The following PREX2 variants were observed in gnomAD, a reference collection of about 807,000 sequenced individuals.
PREX2 encodes phosphatidylinositol 3,4,5-trisphosphate-dependent Rac exchanger 2 protein.
PREX2 carries 107 observed loss-of-function variants against 203.2 expected under a neutral mutation model. The ratio of observed to expected loss-of-function variants is 0.53; its 90% CI spans 0.45 to 0.62. PREX2 has a LOEUF of 0.62. PREX2 is among the 20% of genes least tolerant of loss of function. PREX2 has a pLI of 0.00. For missense variants in PREX2, 1,777 were observed against 1,955.9 expected, an observed-to-expected ratio of 0.91 and a Z score of 1.72; for synonymous variants, 672 against 663.6, an observed-to-expected ratio of 1.01 and a Z score of -0.19.
rs1477532761 is a variant in PREX2, at chr8:68,099,697, G to T, written c.2569G>T (p.Ala857Ser). The T allele has an allele frequency of 1.2e-6, 2 of 1,613,554 alleles. No homozygotes were observed. The highest frequency in any genetic ancestry group is 1.7e-6 in the Non-Finnish European group (2 of 1,179,806). Residue 857 changes from alanine to serine, a missense_variant, in exon 23 of 40, where the codon GCT (alanine) becomes TCT (serine). Ala to Ser is a moderately conservative substitution (Grantham distance 99, BLOSUM62 1). Coordinates refer to ENST00000288368, the MANE Select transcript of PREX2 (RefSeq NM_024870.4). Reference sequence around the variant, plus strand: ...GTCATTGCAGATTCTTGAAGCCCTGGCTAAAAGTGATGAGCATTTTGTACA... The same window carrying T: ...GTCATTGCAGATTCTTGAAGCCCTGTCTAAAAGTGATGAGCATTTTGTACA... ...SLTAKILEAL[A>S]KSDEHFVQNC...
chr8:68,031,908 C>T (rs1227697818), intron 6 of PREX2, among the ~76,000 whole-genome samples: 1 of 152,264 alleles, frequency 6.6e-6, no homozygotes, highest in East Asian at 1.9e-4. Context: ...GTGAAATGTG[C>T]CAGGCCTTTT....
chr8:68,095,863 A>C (rs1810054501), intron 21 of PREX2, among the ~76,000 whole-genome samples: 1 of 151,960 alleles, frequency 6.6e-6, no homozygotes, highest in African/African-American at 2.4e-5. Context: ...GGCTGGTTTC[A>C]AACTCTTGAG....
At position 68,192,362 on chromosome 8, in the gene PREX2, G is replaced by A. The variant is rs776501034; in HGVS notation, c.4441G>A (p.Glu1481Lys). ...AATGAGGCCTCTCAACGCTTTGGAT[G>A]AACTTTACCGACTGGTAGCCTCGTT... Reference protein sequence around the residue: ...KLMRPLNALDELYRLVASFIR... With the variant: ...KLMRPLNALDKLYRLVASFIR... The change falls in exon 37 of 40, where the codon GAA becomes AAA. Residue 1481 changes from glutamate (E) to lysine (K), a missense_variant. Physicochemically the swap from Glu to Lys is moderately conservative, Grantham distance 56. Coordinates refer to ENST00000288368, the MANE Select transcript of PREX2 (RefSeq NM_024870.4). 9.3e-6 allele frequency: 15 copies of A among 1,607,156 alleles called. No homozygotes were observed. The highest frequency in any genetic ancestry group is 1.2e-5 in the Non-Finnish European group (14 of 1,175,740).
intron 1 of PREX2, among the ~76,000 whole-genome samples, chr8:67,967,247 T>A (rs1225925342): frequency 6.6e-6 from 1 of 152,076 alleles, no homozygotes; most frequent in East Asian, 1.9e-4. Context: ...ACATTGCTAA[T>A]AAATAAAGTT....
In PREX2 at chr8:68,031,913, C is replaced by T. The variant is rs16934015; in HGVS notation, c.705+1255C>T. On this transcript the variant is annotated intron_variant, in intron 6 of 39. Transcript: ENST00000288368. ...GAATTTGTCAGTGAAATGTGCCAGG[C>T]CTTTTACTAAAACAAAAACTTCAGA... Among the ~76,000 whole-genome samples, 3 of 152,234 alleles carry T rather than the reference C, an allele frequency of 2.0e-5. No individual in the cohort carries two copies. The East Asian group carries it at 5.8e-4, about 29-fold the overall frequency.
Position 68,234,123 on chromosome 8 carries a change from A to G in PREX2, c.*2745A>G, listed in dbSNP as rs1226982842. The G allele has an allele frequency of 1.3e-5, 2 of 152,210 alleles. No homozygotes were observed. The highest frequency in any genetic ancestry group is 2.9e-5 in the Non-Finnish European group (2 of 68,032). The allele number at this position is 152,210 out of a possible 1,614,324, so 9.4% of individuals were successfully genotyped here. A position where few individuals can be genotyped will look rare whatever the true frequency, so the allele number is the denominator to read the frequency against. On this transcript the variant is annotated 3_prime_UTR_variant, in exon 40 of 40. Transcript: ENST00000288368. ...AACAGTTTTAGATAGTACATCTCAT[A>G]CAACTTTATTATAATTCCAACACAG... is the stretch of plus-strand genomic sequence containing the variant.
At chr8:68,156,791 C>T (rs959492005) in intron 34 of PREX2, among the ~76,000 whole-genome samples, 11 of 152,142 alleles carry the variant, frequency 7.2e-5, no homozygotes, top group African/African-American at 2.7e-4. Flanking sequence ...ATTTGTTGTG[C>T]AGATAAAACT....
chr8:68,135,519 A>C (rs572103890), intron 32 of PREX2, among the ~76,000 whole-genome samples: 7 of 152,208 alleles, frequency 4.6e-5, no homozygotes, highest in African/African-American at 1.4e-4. Flanking sequence ...ACTCAAAACC[A>C]CAGTGAAATA....
chr8:67,979,878 T>C (rs779200757), intron 1 of PREX2, among the ~76,000 whole-genome samples: 10 of 152,194 alleles, frequency 6.6e-5, no homozygotes, highest in Non-Finnish European at 1.2e-4. Context: ...CTCTGAGTAC[T>C]TCAAGTTTCA....
chr8:68,123,413 T>A (rs1242485185), intron 30 of PREX2, among the ~76,000 whole-genome samples: 4 of 151,786 alleles, frequency 2.6e-5, no homozygotes, highest in Admixed American at 1.3e-4. Context: ...GAGATTGAGA[T>A]ACAAAAAACC....
chr8:68,226,227 A>G (rs370080448), intron 39 of PREX2, among the ~76,000 whole-genome samples: 1 of 152,146 alleles, frequency 6.6e-6, no homozygotes, highest in African/African-American at 2.4e-5. Flanking sequence ...AAGGCAAAGC[A>G]CTCTGCTATG....
At chr8:68,024,665 A>G (rs1807663679) in intron 4 of PREX2, among the ~76,000 whole-genome samples, 1 of 151,896 alleles carries the variant, frequency 6.6e-6, no homozygotes, top group Non-Finnish European at 1.5e-5. Context: ...TGGTATTTAC[A>G]TGTGCCATTT....
At chr8:68,074,782 G>T (rs1210580954) in intron 14 of PREX2, among the ~76,000 whole-genome samples, 7 of 152,088 alleles carry the variant, frequency 4.6e-5, no homozygotes, top group African/African-American at 1.7e-4. Context: ...AATTGATTTG[G>T]ACGGTTTTAG....
At chr8:68,206,785 C>G (rs1405778224) in intron 37 of PREX2, among the ~76,000 whole-genome samples, 5 of 152,192 alleles carry the variant, frequency 3.3e-5, no homozygotes, top group Non-Finnish European at 1.5e-5. Flanking sequence ...TTTGCTACCC[C>G]AGCCTGGGAG....
chr8:68,177,936 AC>A, intron 35 of PREX2, among the ~76,000 whole-genome samples: 1 of 152,240 alleles, frequency 6.6e-6, no homozygotes. Flanking sequence ...AATGGCTTCC[AC>A]CGTCATCCAT....
At chr8:67,972,696 CT>C (rs1245344138) in intron 1 of PREX2, among the ~76,000 whole-genome samples, 1 of 152,178 alleles carries the variant, frequency 6.6e-6, no homozygotes, top group Admixed American at 6.5e-5. Context: ...CAGTTACCCA[CT>C]TTTTTTCTAA....
Position 68,195,175 on chromosome 8 carries a change from C to T in PREX2, c.4604+2650C>T, listed in dbSNP as rs551489581. Among the ~76,000 whole-genome samples, 11 of 152,280 alleles carry T rather than the reference C, an allele frequency of 7.2e-5. No individual in the cohort carries two copies. In the South Asian group the frequency reaches 1.2e-3, roughly 17 times the overall value. Reference sequence around the variant, plus strand: ...CCAAATTATTCTCTCAGATGTTTCACGAGCAATTTTAGAATTAGACTGGTA... The same window carrying T: ...CCAAATTATTCTCTCAGATGTTTCATGAGCAATTTTAGAATTAGACTGGTA... On this transcript the variant is annotated intron_variant, in intron 37 of 39. Coordinates refer to ENST00000288368, the MANE Select transcript of PREX2 (RefSeq NM_024870.4).
intron 1 of PREX2, among the ~76,000 whole-genome samples, chr8:68,006,898 A>G (rs1251825420): frequency 6.6e-6 from 1 of 152,230 alleles, no homozygotes; most frequent in Non-Finnish European, 1.5e-5. Flanking sequence ...AAACTCATAG[A>G]CAAAGCTATA....
chr8:67,995,358 T>C (rs1806736745), intron 1 of PREX2, among the ~76,000 whole-genome samples: 1 of 152,192 alleles, frequency 6.6e-6, no homozygotes, highest in South Asian at 2.1e-4. Flanking sequence ...TTTAACTTAC[T>C]TTTAAATTAT....
Sources: gnomAD v4.1 joint callset for allele counts (sites outside exome capture counted in the v4.1 genomes callset) on GRCh38, gnomAD v4.1.1 for gene constraint, MANE v1.5 for transcripts, NCBI Gene and HGNC (gene_info 2026-07-23, HGNC 2026-07-21) for gene names.